Variants in SOX13 observed in about 807,000 individuals in gnomAD.
SOX13 encodes transcription factor SOX-13.
In SOX13, 28 loss-of-function variants were observed where a neutral mutation model predicts 71.8. The observed-to-expected ratio is 0.39, with a 90% CI of 0.29 to 0.53. The LOEUF (loss-of-function observed/expected upper bound fraction) is 0.53, where lower values mean the gene tolerates loss of function less well. SOX13 is among the 20% of genes least tolerant of loss of function. The pLI, the probability that SOX13 is intolerant of heterozygous loss-of-function variation, is 0.70. For synonymous variants in SOX13, 309 were observed against 317.8 expected, an observed-to-expected ratio of 0.97 and a Z score of 0.29; for missense variants, 627 against 810.3, an observed-to-expected ratio of 0.77 and a Z score of 2.75.
rs36012144 is a variant in SOX13, at chr1:204,127,735, A to G, written c.*1601A>G. The G allele has an allele frequency of 6.9e-3, 1,061 of 152,748 alleles. 10 individuals carry two copies. The highest frequency in any genetic ancestry group is 9.5e-3 in the Admixed American group (145 of 15,314). The allele number at this position is 152,748 out of a possible 1,614,324, so 9.5% of individuals were successfully genotyped here. On this transcript the variant is annotated 3_prime_UTR_variant, in exon 14 of 14. Coordinates refer to ENST00000367204, the MANE Select transcript of SOX13 (RefSeq NM_005686.3). Reference sequence around the variant, plus strand: ...TCTGATGACATAATAAAGACAGATCATTTCAGAATCTGGCCCTTGTGCAGG... The same window carrying G: ...TCTGATGACATAATAAAGACAGATCGTTTCAGAATCTGGCCCTTGTGCAGG...
At chr1:204,118,372 G>C (rs1401682472) in intron 7 of SOX13, 2 of 151,674 alleles carry the variant, frequency 1.3e-5, no homozygotes, top group Non-Finnish European at 2.9e-5. Context: ...TGTGTTTTGA[G>C]ACAGAGTCTT....
At chr1:204,089,305 C>T (rs949215439) in intron 1 of SOX13, among the ~76,000 whole-genome samples, 5 of 152,130 alleles carry the variant, frequency 3.3e-5, no homozygotes, top group African/African-American at 1.2e-4. Flanking sequence ...AGCCCAGCCC[C>T]GTGTGGGGAG....
chr1:204,097,937 G>A (rs1023085724), intron 1 of SOX13, among the ~76,000 whole-genome samples: 2 of 151,986 alleles, frequency 1.3e-5, no homozygotes, highest in Non-Finnish European at 2.9e-5. Context: ...TGTGATCATG[G>A]CTCACTGCAG....
intron 1 of SOX13, among the ~76,000 whole-genome samples, chr1:204,102,531 C>T (rs1416058043): frequency 1.3e-5 from 2 of 152,096 alleles, no homozygotes; most frequent in Non-Finnish European, 2.9e-5. Flanking sequence ...CTGTGGGGCA[C>T]CTGCTGGGGC....
chr1:204,124,753 G>C lies in SOX13; in HGVS notation c.1488G>C (p.Arg496=), dbSNP rs761577023. ...EKYPDYKYKP[R]PKRTCIVEGK... Reference sequence around the variant, plus strand: ...ATCCTGACTACAAGTACAAGCCGCGGCCCAAGCGCACCTGCATCGTGGAGG... The same window carrying C: ...ATCCTGACTACAAGTACAAGCCGCGCCCCAAGCGCACCTGCATCGTGGAGG... Residue 496 remains arginine, a synonymous_variant, in exon 13 of 14, where the codon CGG becomes CGC. Transcript: ENST00000367204. The C allele has an allele frequency of 6.2e-7, 1 of 1,609,556 alleles. No individual in the cohort carries two copies. Among genetic ancestry groups the C allele is most frequent in the Non-Finnish European group, 8.5e-7 (1 of 1,178,186 alleles).
chr1:204,107,473 T>C (rs955063162), intron 1 of SOX13, among the ~76,000 whole-genome samples: 1 of 152,018 alleles, frequency 6.6e-6, no homozygotes, highest in African/African-American at 2.4e-5. Context: ...TCCTCCCTTA[T>C]CTAGTTGATC....
rs530380049 is a variant in SOX13, at chr1:204,125,950, A to G, written c.1685A>G (p.Tyr562Cys). The G allele has an allele frequency of 2.5e-6, 4 of 1,613,876 alleles. No individual in the cohort carries two copies. In the South Asian group the frequency reaches 3.3e-5, roughly 13 times the overall value. Residue 562 changes from tyrosine (Y) to cysteine (C), a missense_variant, in exon 14 of 14, where the codon TAT (tyrosine) becomes TGT (cysteine). Tyr to Cys is a radical substitution (Grantham distance 194). Coordinates refer to ENST00000367204, the MANE Select transcript of SOX13 (RefSeq NM_005686.3). ...MPLAQPLVEH[Y>C]VPRSLDPNMP... Reference sequence around the variant, plus strand: ...CTGGCACAGCCACTGGTGGAGCACTATGTCCCTCGTAGCCTGGACCCCAAC... The same window carrying G: ...CTGGCACAGCCACTGGTGGAGCACTGTGTCCCTCGTAGCCTGGACCCCAAC...
In SOX13 at chr1:204,126,535, C is replaced by CGAGAT; in HGVS notation, c.*401_*402insGAGAT. 19 of 247,698 alleles carry CGAGAT rather than the reference C, an allele frequency of 7.7e-5. No homozygotes were observed. The highest frequency in any genetic ancestry group is 1.3e-4 in the Non-Finnish European group (17 of 126,290). 15.3% of individuals were successfully genotyped at this position (247,698 alleles called of 1,614,324 possible). A position where few individuals can be genotyped will look rare whatever the true frequency, so the allele number is the denominator to read the frequency against. On this transcript the variant is annotated 3_prime_UTR_variant, in exon 14 of 14. Transcript: ENST00000367204. ...GACCAGCCACTGTGGGACCAACACC[C>CGAGAT]CTCCCACACTCCCCCAGACTGCTCG... is the stretch of plus-strand genomic sequence containing the variant.
In SOX13 at chr1:204,081,797, A is replaced by G. The variant is rs967921498; in HGVS notation, c.-2+8086A>G. The stretch of plus-strand genomic sequence containing the variant: ...CAACCTCTCCCCACCCTCCAGCCCT[A>G]CTGAAGGAGTCTGAAGTCACTCAAC... On this transcript the variant is annotated intron_variant, in intron 1 of 13. Transcript: ENST00000367204. The surrounding 1 kb of genome is among the most constrained non-coding windows in gnomAD (Gnocchi z 4.3). Among the ~76,000 whole-genome samples, 1 of 151,478 alleles carries G rather than the reference A, an allele frequency of 6.6e-6. No individual in the cohort carries two copies. Among genetic ancestry groups the G allele is most frequent in the Non-Finnish European group, 1.5e-5 (1 of 67,850 alleles).
intron 1 of SOX13, among the ~76,000 whole-genome samples, chr1:204,085,478 G>A (rs1655997312): frequency 4.6e-5 from 7 of 152,130 alleles, no homozygotes; most frequent in Admixed American, 2.6e-4. Context: ...CGGGTACAGA[G>A]GTAAACAAAT....
At position 204,102,504 on chromosome 1, in the gene SOX13, C is replaced by T. The variant is rs1356576366; in HGVS notation, c.-1-10411C>T. On this transcript the variant is annotated intron_variant, in intron 1 of 13. Coordinates refer to ENST00000367204, the MANE Select transcript of SOX13 (RefSeq NM_005686.3). Reference sequence around the variant, plus strand: ...GGGGCTTCCTTGGCAGATTTGTAGCCTTTCCGCCTGTTTGCACTGTGGGGC... The same window carrying T: ...GGGGCTTCCTTGGCAGATTTGTAGCTTTTCCGCCTGTTTGCACTGTGGGGC... Among the ~76,000 whole-genome samples the T allele has an allele frequency of 3.3e-5, 5 of 152,200 alleles. No individual in the cohort carries two copies. In the South Asian group the frequency reaches 8.3e-4, roughly 25 times the overall value.
intron 1 of SOX13, among the ~76,000 whole-genome samples, chr1:204,099,078 G>T (rs2102239380): frequency 6.6e-6 from 1 of 152,302 alleles, no homozygotes; most frequent in Non-Finnish European, 1.5e-5. Flanking sequence ...TGGGACAGTG[G>T]GGTTTCCAGG....
At chr1:204,089,782 G>A (rs1027966064) in intron 1 of SOX13, among the ~76,000 whole-genome samples, 4 of 152,158 alleles carry the variant, frequency 2.6e-5, no homozygotes, top group Non-Finnish European at 4.4e-5. Context: ...CATTGCCCAG[G>A]GCTCATCACT....
At chr1:204,075,576 A>G (rs1655771006) in intron 1 of SOX13, among the ~76,000 whole-genome samples, 1 of 152,154 alleles carries the variant, frequency 6.6e-6, no homozygotes, top group Non-Finnish European at 1.5e-5. Flanking sequence ...TTTGGGGGAT[A>G]CTGGTTTGGA....
chr1:204,103,089 C>T (rs538512186), intron 1 of SOX13, among the ~76,000 whole-genome samples: 11 of 152,356 alleles, frequency 7.2e-5, no homozygotes, highest in African/African-American at 2.4e-4. Context: ...CTTCCCTGAA[C>T]ATATATTCTG....
At chr1:204,118,105 G>T in intron 7 of SOX13, 1 of 169,432 alleles carries the variant, frequency 5.9e-6, no homozygotes, top group Non-Finnish European at 1.3e-5. Context: ...TGGCCAACAT[G>T]GTGAAACCCC....
At chr1:204,101,062 G>A (rs1392868833) in intron 1 of SOX13, among the ~76,000 whole-genome samples, 2 of 152,230 alleles carry the variant, frequency 1.3e-5, no homozygotes, top group African/African-American at 4.8e-5. Context: ...CAATCCCAGG[G>A]AGGAGAGGAG....
At chr1:204,076,555 G>A (rs1053771162) in intron 1 of SOX13, among the ~76,000 whole-genome samples, 2 of 152,226 alleles carry the variant, frequency 1.3e-5, no homozygotes, top group Non-Finnish European at 2.9e-5. Flanking sequence ...TTTGTCACAA[G>A]TTCCTTGTCT....
At chr1:204,116,208 C>T (rs1366620420) in intron 4 of SOX13, 4 of 1,362,856 alleles carry the variant, frequency 2.9e-6, no homozygotes, top group Non-Finnish European at 2.9e-6. Flanking sequence ...GCTGAGCACT[C>T]GAGGACATTG....
Sources: allele counts gnomAD v4.1 joint callset (sites outside exome capture counted in the v4.1 genomes callset), GRCh38; gene constraint gnomAD v4.1.1; non-coding constraint Gnocchi (gnomAD v3.1); transcripts MANE v1.5; gene names NCBI Gene and HGNC (gene_info 2026-07-23, HGNC 2026-07-21).